Variants in OSBPL3 observed in about 807,000 individuals in gnomAD.
The protein encoded by OSBPL3 is oxysterol binding protein like 3, also known as oxysterol-binding protein-related protein 3.
A neutral mutation model predicts 120.1 loss-of-function variants in OSBPL3; 65 were observed. That is an observed-to-expected ratio of 0.54 (90% CI 0.44 to 0.67). The LOEUF (loss-of-function observed/expected upper bound fraction) is 0.67, where lower values mean the gene tolerates loss of function less well. OSBPL3 is among the 30% of genes least tolerant of loss of function. OSBPL3 has a pLI of 0.00. For missense variants in OSBPL3, 1,004 were observed against 1,082.1 expected (o/e 0.93, Z 1.01); for synonymous variants, 416 against 402.6 (o/e 1.03, Z -0.40).
chr7:24,969,132 T>TA (rs1816725003), intron 1 of OSBPL3, among the ~76,000 whole-genome samples: 5 of 152,376 alleles, frequency 3.3e-5, no homozygotes, highest in Admixed American at 2.0e-4. Flanking sequence ...TGAATACCTG[T>TA]TTCTTCAAAA....
chr7:24,961,007 A>G (rs577587708), intron 1 of OSBPL3, among the ~76,000 whole-genome samples: 1 of 152,360 alleles, frequency 6.6e-6, no homozygotes, highest in East Asian at 1.9e-4. Context: ...ATGAATAATT[A>G]AACTTCGAAA....
Position 24,939,194 on chromosome 7 carries a change from G to A in OSBPL3, c.-150+40692C>T, listed in dbSNP as rs1812796195. 6.6e-6 allele frequency among the ~76,000 whole-genome samples: 1 copy of A among 152,176 alleles called. No individual in the cohort carries two copies. Among genetic ancestry groups the A allele is most frequent in the Non-Finnish European group, 1.5e-5 (1 of 68,016 alleles). The stretch of plus-strand genomic sequence containing the variant: ...TAAGACATCAAGAATATTCAGAGAA[G>A]GAAGAACAACACTGTCCATAATCCA... On this transcript the variant is annotated intron_variant, in intron 1 of 22. Coordinates refer to ENST00000313367, the MANE Select transcript of OSBPL3 (RefSeq NM_015550.4). This position sits in a 1 kb window ranked among gnomAD's most constrained non-coding sequence, Gnocchi z 4.2.
At chr7:24,825,853 T>C (rs1177976854) in intron 16 of OSBPL3, among the ~76,000 whole-genome samples, 4 of 152,208 alleles carry the variant, frequency 2.6e-5, no homozygotes, top group African/African-American at 9.7e-5. Context: ...TTCAATCTCT[T>C]ACATTTTAGT....
chr7:24,973,961 G>A (rs548676405), intron 1 of OSBPL3, among the ~76,000 whole-genome samples: 1 of 152,076 alleles, frequency 6.6e-6, no homozygotes, highest in Admixed American at 6.5e-5. Context: ...AGTAGACAAA[G>A]AGTAAAAGAA....
In OSBPL3 at chr7:24,891,943, A is replaced by G. The variant is rs537255506; in HGVS notation, c.96+434T>C. On this transcript the variant is annotated intron_variant, in intron 2 of 22. Transcript: ENST00000313367. This position sits in a 1 kb window ranked among gnomAD's most constrained non-coding sequence, Gnocchi z 4.1. The stretch of plus-strand genomic sequence containing the variant: ...GAAGAAAGTTGGGGTGGATATTATA[A>G]TTACCAGAAAAATGATTGATTGTTT... Among the ~76,000 whole-genome samples, 16 of 152,338 alleles carry G rather than the reference A, an allele frequency of 1.1e-4. No individual in the cohort carries two copies. Among genetic ancestry groups the G allele is most frequent in the African/African-American group, 3.4e-4 (14 of 41,586 alleles).
intron 13 of OSBPL3, among the ~76,000 whole-genome samples, chr7:24,841,581 G>A (rs972207969): frequency 1.3e-5 from 2 of 149,462 alleles, no homozygotes; most frequent in East Asian, 4.1e-4. Context: ...TGTATTCCCA[G>A]ATACTTGGGA....
chr7:24,885,378 G>A (rs186081189), intron 2 of OSBPL3, among the ~76,000 whole-genome samples: 73 of 152,094 alleles, frequency 4.8e-4, no homozygotes, highest in African/African-American at 1.7e-3. Context: ...TATGAGTTCC[G>A]GCCCTGAGCC....
At chr7:24,847,319 A>T (rs1798574481) in intron 12 of OSBPL3, among the ~76,000 whole-genome samples, 1 of 152,196 alleles carries the variant, frequency 6.6e-6, no homozygotes, top group Admixed American at 6.5e-5. Context: ...AGTAAGCCTG[A>T]GTCACTCCAT....
At position 24,897,349 on chromosome 7, in the gene OSBPL3, G is replaced by A. The variant is rs1281307753; in HGVS notation, c.-149-4728C>T. Among the ~76,000 whole-genome samples, 66 of 129,266 alleles carry A rather than the reference G, an allele frequency of 5.1e-4. No homozygotes were observed. In the East Asian group the frequency reaches 0.013, roughly 26 times the overall value. The allele number at this position is 129,266 out of a possible 152,430, so 84.8% of individuals were successfully genotyped here. On this transcript the variant is annotated intron_variant, in intron 1 of 22. Coordinates refer to ENST00000313367, the MANE Select transcript of OSBPL3 (RefSeq NM_015550.4). ...TTTTTTTTTTTTTTTTTTTTGAGAC[G>A]GAGTCTCGCTCTGTCGCCCAGGCTG...
chr7:24,885,289 A>G (rs17150434), intron 2 of OSBPL3, among the ~76,000 whole-genome samples: 4,967 of 151,938 alleles, frequency 0.033, 140 homozygotes, highest in African/African-American at 0.067. Flanking sequence ...AGCTGAAATG[A>G]TAAACACCTG....
rs942157892 is a variant in OSBPL3, at chr7:24,915,320, T to G, written c.-149-22699A>C. On this transcript the variant is annotated intron_variant, in intron 1 of 22. Transcript: ENST00000313367. ...CAAACTTACTTCAGCCACTACCCAA[T>G]AGAGTTCTATCATTTCAGGCAAAGT... is the stretch of plus-strand genomic sequence containing the variant. Among the ~76,000 whole-genome samples, 6 of 152,170 alleles carry G rather than the reference T, an allele frequency of 3.9e-5. No homozygotes were observed. The South Asian group carries it at 1.2e-3, about 32-fold the overall frequency.
intron 1 of OSBPL3, among the ~76,000 whole-genome samples, chr7:24,923,271 A>C (rs890747756): frequency 1.3e-5 from 2 of 152,208 alleles, no homozygotes; most frequent in Non-Finnish European, 2.9e-5. Context: ...TCTGCTCCTC[A>C]GCAACCTGCT....
chr7:24,979,885 CCTGA>C lies in OSBPL3; in HGVS notation c.-153_-150del. On this transcript the variant is annotated splice_region_variant and 5_prime_UTR_variant, in exon 1 of 23. Coordinates refer to ENST00000313367, the MANE Select transcript of OSBPL3 (RefSeq NM_015550.4). ...ATTTAGGCGGGCGCCCCGCCACTCA[CCTGA>C]GCGCTGTGCAGCCGGAGACGCTCCC... 1 of 962,168 alleles carries C rather than the reference CCTGA, an allele frequency of 1.0e-6. No homozygotes were observed. The highest frequency in any genetic ancestry group is 1.2e-6 in the Non-Finnish European group (1 of 817,638). 59.6% of individuals were successfully genotyped at this position (962,168 alleles called of 1,614,324 possible).
intron 1 of OSBPL3, among the ~76,000 whole-genome samples, chr7:24,929,251 C>A (rs1472901800): frequency 1.3e-5 from 2 of 152,164 alleles, no homozygotes; most frequent in African/African-American, 4.8e-5. Context: ...CAGTGTGTAA[C>A]TTTTTCCTCT....
chr7:24,937,910 A>G lies in OSBPL3; in HGVS notation c.-150+41976T>C, dbSNP rs955874078. 1.4e-4 allele frequency among the ~76,000 whole-genome samples: 22 copies of G among 152,258 alleles called. No homozygotes were observed. The highest frequency in any genetic ancestry group is 1.3e-4 in the Non-Finnish European group (9 of 68,048). Reference sequence around the variant, plus strand: ...GCTTCCAGAATCGAAAGGTATTTCCAAAGTATAATCCATGAATTAGGATGT... The same window carrying G: ...GCTTCCAGAATCGAAAGGTATTTCCGAAGTATAATCCATGAATTAGGATGT... On this transcript the variant is annotated intron_variant, in intron 1 of 22. Coordinates refer to ENST00000313367, the MANE Select transcript of OSBPL3 (RefSeq NM_015550.4). This position sits in a 1 kb window ranked among gnomAD's most constrained non-coding sequence, Gnocchi z 4.0.
At chr7:24,971,862 A>G (rs1274488309) in intron 1 of OSBPL3, among the ~76,000 whole-genome samples, 1 of 152,206 alleles carries the variant, frequency 6.6e-6, no homozygotes, top group African/African-American at 2.4e-5. Flanking sequence ...CTTCAAAGGA[A>G]GGATGGTTTC....
chr7:24,887,142 G>T (rs1007424620), intron 2 of OSBPL3, among the ~76,000 whole-genome samples: 1 of 152,174 alleles, frequency 6.6e-6, no homozygotes, highest in African/African-American at 2.4e-5. Flanking sequence ...GGGTTTCATA[G>T]ATCATTCTAG....
At chr7:24,907,220 T>C (rs1808072281) in intron 1 of OSBPL3, among the ~76,000 whole-genome samples, 1 of 152,184 alleles carries the variant, frequency 6.6e-6, no homozygotes, top group Non-Finnish European at 1.5e-5. Context: ...CTTATATCCA[T>C]TCCCTAGTTC....
rs1490376999 is a variant in OSBPL3 at position 24,968,778 on chromosome 7, T to C, written c.-150+11108A>G. 6.6e-6 allele frequency among the ~76,000 whole-genome samples: 1 copy of C among 152,192 alleles called. No homozygotes were observed. The highest frequency in any genetic ancestry group is 1.9e-4 in the East Asian group (1 of 5,200). On this transcript the variant is annotated intron_variant, in intron 1 of 22. Transcript: ENST00000313367. The surrounding 1 kb of genome is among the most constrained non-coding windows in gnomAD (Gnocchi z 4.6). The stretch of plus-strand genomic sequence containing the variant: ...TATGCATACTTTCATATAAAATATA[T>C]ATTATATATGGATATTCTATACTTC...
Sources: gnomAD v4.1 joint callset for allele counts (sites outside exome capture counted in the v4.1 genomes callset) on GRCh38, gnomAD v4.1.1 for gene constraint, Gnocchi (gnomAD v3.1) non-coding constraint, MANE v1.5 for transcripts, NCBI Gene and HGNC (gene_info 2026-07-23, HGNC 2026-07-21) for gene names.